The following LRRC4C variants were observed in gnomAD, a reference collection of about 807,000 sequenced individuals.
LRRC4C encodes leucine-rich repeat-containing protein 4C.
In LRRC4C, 5 loss-of-function variants were observed where a neutral mutation model predicts 33.6. The ratio of observed to expected loss-of-function variants is 0.15; its 90% CI spans 0.08 to 0.31. The LOEUF (loss-of-function observed/expected upper bound fraction) is 0.31, where lower values mean the gene tolerates loss of function less well. Among genes scored for constraint, LRRC4C ranks in the 10% least tolerant of loss-of-function variants. The pLI, the probability that LRRC4C is intolerant of heterozygous loss-of-function variation, is 1.00. For missense variants in LRRC4C, 560 were observed against 796.7 expected, an observed-to-expected ratio of 0.70 and a Z score of 3.58; for synonymous variants, 329 against 302.0, an observed-to-expected ratio of 1.09 and a Z score of -0.93.
At chr11:40,691,098 T>A (rs1465433424) in intron 2 of LRRC4C, among the ~76,000 whole-genome samples, 2 of 152,062 alleles carry the variant, frequency 1.3e-5, no homozygotes, top group Non-Finnish European at 2.9e-5. Flanking sequence ...GATTTTTATA[T>A]GAATGTGTTT....
intron 4 of LRRC4C, among the ~76,000 whole-genome samples, chr11:40,306,264 A>G (rs1230631022): frequency 2.0e-5 from 3 of 152,204 alleles, no homozygotes; most frequent in Admixed American, 6.5e-5. Context: ...TCTCTTCCAA[A>G]GTGTCAAAAG....
intron 2 of LRRC4C, among the ~76,000 whole-genome samples, chr11:40,849,080 G>T (rs1591880100): frequency 6.6e-6 from 1 of 152,056 alleles, no homozygotes; most frequent in Admixed American, 6.6e-5. Context: ...CACACATATG[G>T]TTCTTGACTA....
At chr11:40,936,057 T>TAC (rs1957879564) in intron 1 of LRRC4C, among the ~76,000 whole-genome samples, 1 of 99,100 alleles carries the variant, frequency 1.0e-5, no homozygotes, top group African/African-American at 3.9e-5. Flanking sequence ...TATATATATA[T>TAC]ATATATATAA....
chr11:40,254,449 T>C (rs1465112256), intron 4 of LRRC4C, among the ~76,000 whole-genome samples: 1 of 152,178 alleles, frequency 6.6e-6, no homozygotes, highest in Admixed American at 6.6e-5. Flanking sequence ...CTGCACATGG[T>C]CCATCTTTCA....
chr11:40,412,518 C>T (rs1590655176), intron 3 of LRRC4C, among the ~76,000 whole-genome samples: 2 of 152,058 alleles, frequency 1.3e-5, no homozygotes, highest in Non-Finnish European at 2.9e-5. Flanking sequence ...TCTGGATGAA[C>T]AACAAATGCA....
chr11:40,144,669 G>T (rs372077104), intron 5 of LRRC4C, among the ~76,000 whole-genome samples: 1 of 152,168 alleles, frequency 6.6e-6, no homozygotes, highest in East Asian at 1.9e-4. Context: ...GGAGGAAGGC[G>T]AATGAGATTA....
rs1008370134 is a variant in LRRC4C at position 41,220,878 on chromosome 11, A to T, written c.-496+238553T>A. 3.9e-5 allele frequency among the ~76,000 whole-genome samples: 6 copies of T among 152,238 alleles called. No homozygotes were observed. The South Asian group carries it at 6.2e-4, about 16-fold the overall frequency. ...GTCTATGCACTGGGAATATATAGAA[A>T]TGAATAAAACAGATTACGTCTCTGA... On this transcript the variant is annotated intron_variant, in intron 1 of 6. Transcript: ENST00000528697.
chr11:41,157,425 A>G (rs1407224972), intron 1 of LRRC4C, among the ~76,000 whole-genome samples: 3 of 152,132 alleles, frequency 2.0e-5, no homozygotes, highest in East Asian at 1.9e-4. Context: ...AGGACCATAT[A>G]TGGAAAAAAA....
chr11:40,706,641 C>A (rs1946182161), intron 2 of LRRC4C, among the ~76,000 whole-genome samples: 1 of 152,190 alleles, frequency 6.6e-6, no homozygotes, highest in East Asian at 1.9e-4. Flanking sequence ...AGTCAGGTAG[C>A]CTGATGCCTC....
chr11:40,913,569 G>A (rs113806888), intron 2 of LRRC4C, among the ~76,000 whole-genome samples: 22 of 152,156 alleles, frequency 1.4e-4, no homozygotes, highest in African/African-American at 5.3e-4. Flanking sequence ...GAAATTTATA[G>A]CACTAAATGC....
At chr11:40,227,278 G>A (rs768341448) in intron 5 of LRRC4C, among the ~76,000 whole-genome samples, 6 of 152,206 alleles carry the variant, frequency 3.9e-5, no homozygotes, top group Admixed American at 2.6e-4. Flanking sequence ...AGTGGATTAT[G>A]AGCATCAGGT....
chr11:40,385,605 A>C (rs539307439), intron 3 of LRRC4C, among the ~76,000 whole-genome samples: 153 of 152,146 alleles, frequency 1.0e-3, no homozygotes, highest in African/African-American at 3.6e-3. Flanking sequence ...GTAGTGGCTC[A>C]CACCTGTAAT....
intron 2 of LRRC4C, among the ~76,000 whole-genome samples, chr11:40,718,270 C>T (rs942330985): frequency 6.6e-6 from 1 of 152,178 alleles, no homozygotes; most frequent in East Asian, 1.9e-4. Flanking sequence ...GTCGGTGCTA[C>T]AGGCATCTTG....
intron 2 of LRRC4C, among the ~76,000 whole-genome samples, chr11:40,696,428 T>TTA (rs1729143178): frequency 6.8e-6 from 1 of 147,602 alleles, no homozygotes; most frequent in South Asian, 2.1e-4. Flanking sequence ...ATGCTGGAGG[T>TTA]TATATATATA....
intron 1 of LRRC4C, among the ~76,000 whole-genome samples, chr11:41,148,780 A>T (rs1266243014): frequency 6.6e-6 from 1 of 152,036 alleles, no homozygotes; most frequent in East Asian, 2.0e-4. Flanking sequence ...TCATCTCTGA[A>T]TTGGGAAAAA....
At chr11:41,111,210 T>A (rs1251649861) in intron 1 of LRRC4C, among the ~76,000 whole-genome samples, 1 of 152,104 alleles carries the variant, frequency 6.6e-6, no homozygotes, top group Non-Finnish European at 1.5e-5. Flanking sequence ...TTGTCACAAT[T>A]TGAAAAGGGA....
intron 4 of LRRC4C, among the ~76,000 whole-genome samples, chr11:40,245,870 T>C (rs1209913553): frequency 3.3e-5 from 5 of 152,034 alleles, no homozygotes; most frequent in African/African-American, 1.2e-4. Context: ...TTTAATTATT[T>C]CCACCATTAT....
intron 2 of LRRC4C, among the ~76,000 whole-genome samples, chr11:40,837,197 G>T (rs1952711301): frequency 6.6e-6 from 1 of 152,118 alleles, no homozygotes; most frequent in Admixed American, 6.6e-5. Flanking sequence ...CTAGGCAGTT[G>T]TGACCTGAAA....
At chr11:40,868,455 A>G (rs1374985130) in intron 2 of LRRC4C, among the ~76,000 whole-genome samples, 1 of 152,108 alleles carries the variant, frequency 6.6e-6, no homozygotes, top group Non-Finnish European at 1.5e-5. Flanking sequence ...CACCCACATT[A>G]ATGCCATTTT....
Sources: allele counts gnomAD v4.1 joint callset (sites outside exome capture counted in the v4.1 genomes callset), GRCh38; gene constraint gnomAD v4.1.1; transcripts MANE v1.5; gene names NCBI Gene and HGNC (gene_info 2026-07-23, HGNC 2026-07-21).